The following SLC5A4 variants were observed in gnomAD, a reference collection of about 807,000 sequenced individuals.
SLC5A4 encodes probable glucose sensor protein SLC5A4.
SLC5A4 carries 55 observed loss-of-function variants against 70.3 expected under a neutral mutation model. The observed-to-expected ratio is 0.78, with a 90% CI of 0.63 to 0.98. The LOEUF is 0.98. SLC5A4 is among the 50% of genes least tolerant of loss of function. SLC5A4 has a pLI of 0.00. For synonymous variants in SLC5A4, 268 were observed against 305.7 expected, an observed-to-expected ratio of 0.88 and a Z score of 1.29; for missense variants, 735 against 839.2, an observed-to-expected ratio of 0.88 and a Z score of 1.53.
the SLC5A4 span, among the ~76,000 whole-genome samples, chr22:32,316,893 AAAGT>A: frequency 3.3e-5 from 5 of 151,512 alleles, no homozygotes; most frequent in African/African-American, 1.2e-4. Context: ...GGCAAAAACA[AAAGT>A]AAGGAGATAG....
At chr22:32,270,921 G>A in the SLC5A4 span, 5 of 568,990 alleles carry the variant, frequency 8.8e-6, no homozygotes, top group Admixed American at 2.2e-5. Context: ...GACCTCAGTG[G>A]CATGTTCACC....
chr22:32,333,188 G>GGA, the SLC5A4 span, among the ~76,000 whole-genome samples: 49 of 132,574 alleles, frequency 3.7e-4, no homozygotes, highest in African/African-American at 1.5e-3. Flanking sequence ...CTCTGCTCTA[G>GGA]CACTGGCACC....
the SLC5A4 span, among the ~76,000 whole-genome samples, chr22:32,333,197 C>CCCCG: frequency 6.4e-5 from 4 of 62,752 alleles, 1 homozygote; most frequent in East Asian, 1.7e-3. Context: ...AGCACTGGCA[C>CCCCG]CCCCCCCCCA....
chr22:32,291,118 T>A, the SLC5A4 span, among the ~76,000 whole-genome samples: 1 of 152,118 alleles, frequency 6.6e-6, no homozygotes, highest in Non-Finnish European at 1.5e-5. Flanking sequence ...GCTTTGCTGA[T>A]CCTCTCTGTG....
At chr22:32,306,698 G>A in the SLC5A4 span, among the ~76,000 whole-genome samples, 17 of 152,162 alleles carry the variant, frequency 1.1e-4, no homozygotes, top group Non-Finnish European at 2.4e-4. Flanking sequence ...GCCCTGGGGA[G>A]GACACATCAC....
chr22:32,353,687 G>T, the SLC5A4 span, among the ~76,000 whole-genome samples: 1 of 151,518 alleles, frequency 6.6e-6, no homozygotes. Context: ...ATCCAATGGC[G>T]ACCCCAACCT....
the SLC5A4 span, among the ~76,000 whole-genome samples, chr22:32,292,303 TTATA>T: frequency 4.5e-3 from 633 of 140,914 alleles, 3 homozygotes; most frequent in Non-Finnish European, 7.9e-3. Context: ...ATACTAGATA[TTATA>T]TATATTTTTC....
At chr22:32,339,156 G>A in the SLC5A4 span, among the ~76,000 whole-genome samples, 7 of 152,324 alleles carry the variant, frequency 4.6e-5, no homozygotes, top group East Asian at 5.8e-4. Context: ...CGCAAAAGCA[G>A]GTGTGCATTA....
At chr22:32,322,042 A>G in the SLC5A4 span, among the ~76,000 whole-genome samples, 1,635 of 152,234 alleles carry the variant, frequency 0.011, 34 homozygotes, top group African/African-American at 0.037. Flanking sequence ...GTAGGCTTGG[A>G]GGGTGGGAGA....
the SLC5A4 span, among the ~76,000 whole-genome samples, chr22:32,341,917 A>T: frequency 6.6e-6 from 1 of 152,170 alleles, no homozygotes. Context: ...CTCTCGTTAG[A>T]GAGATCTCCC....
the SLC5A4 span, among the ~76,000 whole-genome samples, chr22:32,285,913 T>C: frequency 3.9e-5 from 6 of 151,944 alleles, no homozygotes; most frequent in African/African-American, 1.2e-4. Context: ...ATTTTTTGTA[T>C]TTTTAGTAGA....
intron 13 of SLC5A4, among the ~76,000 whole-genome samples, chr22:32,222,490 A>C (rs898717175): frequency 1.3e-5 from 2 of 152,202 alleles, no homozygotes; most frequent in Non-Finnish European, 2.9e-5. Context: ...CATTAACATA[A>C]ATCAGAAAAA....
At chr22:32,342,374 A>T in the SLC5A4 span, among the ~76,000 whole-genome samples, 1 of 152,200 alleles carries the variant, frequency 6.6e-6, no homozygotes, top group Non-Finnish European at 1.5e-5. Flanking sequence ...GCAAATCTTG[A>T]CAATAATCAA....
At chr22:32,338,517 T>C in the SLC5A4 span, among the ~76,000 whole-genome samples, 1 of 151,826 alleles carries the variant, frequency 6.6e-6, no homozygotes, top group East Asian at 1.9e-4. Context: ...ATACAAAAAT[T>C]AGCCAGGCGT....
In SLC5A4 at chr22:32,235,034, A is replaced by G; in HGVS notation, c.724T>C (p.Ser242Pro). ...GTCAAGTTGTCCCCCTCGACTACGG[A>G]TGGGGTGGCATTCACGTACTTCTCG... ...FTEKYVNATPSVVEGDNLTIS... is the reference protein window; with the variant it reads ...FTEKYVNATPPVVEGDNLTIS... Residue 242 changes from serine (S) to proline (P), a missense_variant, in exon 8 of 15, where the codon TCC (serine) becomes CCC (proline). By Grantham distance (74) the Ser-to-Pro change is moderately conservative. Coordinates refer to ENST00000266086, the MANE Select transcript of SLC5A4 (RefSeq NM_014227.3). The G allele has an allele frequency of 6.2e-7, 1 of 1,613,874 alleles. No homozygotes were observed. Among genetic ancestry groups the G allele is most frequent in the African/African-American group, 1.3e-5 (1 of 74,906 alleles).
chr22:32,318,991 A>G, the SLC5A4 span, among the ~76,000 whole-genome samples: 1 of 152,220 alleles, frequency 6.6e-6, no homozygotes, highest in African/African-American at 2.4e-5. Flanking sequence ...TGGCAGATGG[A>G]GGAAAACAGT....
the SLC5A4 span, among the ~76,000 whole-genome samples, chr22:32,317,058 A>G: frequency 6.6e-6 from 1 of 152,170 alleles, no homozygotes; most frequent in Non-Finnish European, 1.5e-5. Context: ...TCCAAAAAAT[A>G]GAAAAAAGAC....
chr22:32,229,495 T>C (rs1033268847), intron 10 of SLC5A4, 151 bp from the exon 11 acceptor site: 6 of 778,094 alleles, frequency 7.7e-6, no homozygotes, highest in Admixed American at 6.2e-5. Context: ...TCCTGCATAT[T>C]TTCCTGGTCA....
At chr22:32,261,157 T>G in the SLC5A4 span, among the ~76,000 whole-genome samples, 1 of 151,888 alleles carries the variant, frequency 6.6e-6, no homozygotes, top group Admixed American at 6.5e-5. Context: ...CTAAACAATA[T>G]GCACAGGGGA....
Sources: allele counts gnomAD v4.1 joint callset (sites outside exome capture counted in the v4.1 genomes callset), GRCh38; gene constraint gnomAD v4.1.1; transcripts MANE v1.5; gene names NCBI Gene and HGNC (gene_info 2026-07-23, HGNC 2026-07-21).